CPQ: variants seen among roughly 807,000 people sequenced by gnomAD.
CPQ encodes carboxypeptidase Q, also known as Ser-Met dipeptidase.
In CPQ, 37 loss-of-function variants were observed where a neutral mutation model predicts 45.7. That is an observed-to-expected ratio of 0.81 (90% CI 0.62 to 1.07). The LOEUF (loss-of-function observed/expected upper bound fraction) is 1.07, where lower values mean the gene tolerates loss of function less well. CPQ is among the 50% of genes least tolerant of loss of function. The pLI, the probability that CPQ is intolerant of heterozygous loss-of-function variation, is 0.00. For missense variants in CPQ, 537 were observed against 572.9 expected (o/e 0.94, Z 0.64); for synonymous variants, 186 against 205.8 (o/e 0.90, Z 0.82).
intron 5 of CPQ, among the ~76,000 whole-genome samples, chr8:96,981,029 A>G (rs556384870): frequency 6.6e-6 from 1 of 152,334 alleles, no homozygotes; most frequent in Non-Finnish European, 1.5e-5. Flanking sequence ...AACAGTAAAT[A>G]GCTGTTAAGG....
At chr8:96,677,773 A>G (rs1267446902) in intron 1 of CPQ, among the ~76,000 whole-genome samples, 1 of 151,982 alleles carries the variant, frequency 6.6e-6, no homozygotes, top group African/African-American at 2.4e-5. Context: ...AAGTTTTCCA[A>G]TGTTATCTTC....
intron 5 of CPQ, among the ~76,000 whole-genome samples, chr8:96,973,013 C>A (rs78626826): frequency 0.072 from 10,967 of 152,004 alleles, 724 homozygotes; most frequent in African/African-American, 0.18. Flanking sequence ...AGTTCACCAG[C>A]AATGGATCCA....
At chr8:96,898,652 G>A (rs1446816694) in intron 4 of CPQ, among the ~76,000 whole-genome samples, 1 of 149,124 alleles carries the variant, frequency 6.7e-6, no homozygotes, top group Non-Finnish European at 1.5e-5. Context: ...GGGAGGGATA[G>A]CATTGGGAGA....
intron 4 of CPQ, among the ~76,000 whole-genome samples, chr8:96,963,918 A>G (rs995770284): frequency 2.0e-5 from 3 of 151,850 alleles, no homozygotes; most frequent in African/African-American, 4.8e-5. Context: ...ATCATGTGTT[A>G]TTTTGTATCT....
chr8:96,651,465 T>G (rs1333523735), intron 1 of CPQ, among the ~76,000 whole-genome samples: 5 of 152,224 alleles, frequency 3.3e-5, no homozygotes, highest in Admixed American at 3.3e-4. Flanking sequence ...AAGAGGTAGT[T>G]GTGACTCTTT....
chr8:96,783,401 C>CT (rs1200447715), intron 1 of CPQ, among the ~76,000 whole-genome samples: 1 of 152,054 alleles, frequency 6.6e-6, no homozygotes, highest in Non-Finnish European at 1.5e-5. Flanking sequence ...TGAGGGTCTT[C>CT]TTGCCACATC....
chr8:96,951,524 A>G (rs1813265135), intron 4 of CPQ, among the ~76,000 whole-genome samples: 1 of 152,106 alleles, frequency 6.6e-6, no homozygotes, highest in African/African-American at 2.4e-5. Flanking sequence ...TTGTAACTCC[A>G]GAGTTTTTTA....
chr8:96,944,458 G>C (rs1813163241), intron 4 of CPQ, among the ~76,000 whole-genome samples: 3 of 152,266 alleles, frequency 2.0e-5, no homozygotes, highest in African/African-American at 7.2e-5. Context: ...GTAAGGAACA[G>C]AGTCCTATGC....
At chr8:96,967,019 A>G (rs1813577959) in intron 5 of CPQ, among the ~76,000 whole-genome samples, 1 of 152,224 alleles carries the variant, frequency 6.6e-6, no homozygotes, top group African/African-American at 2.4e-5. Flanking sequence ...GAGAGAAGTT[A>G]TCCAGCAAAT....
intron 1 of CPQ, among the ~76,000 whole-genome samples, chr8:96,740,781 A>G (rs1301397084): frequency 1.3e-5 from 2 of 152,186 alleles, no homozygotes; most frequent in Non-Finnish European, 2.9e-5. Context: ...ATTTATGTAT[A>G]TTGAACCAGT....
intron 5 of CPQ, among the ~76,000 whole-genome samples, chr8:96,969,401 GTAGGAGAGACATTTAATTCAAAAA>G (rs1813623921): frequency 6.6e-6 from 1 of 152,208 alleles, no homozygotes; most frequent in Admixed American, 6.5e-5. Flanking sequence ...AGTCCTTGAA[GTAGGAGAGACATTTAATTCAAAAA>G]TTGCAATGAA....
At chr8:96,784,542 A>G (rs1177737231) in intron 1 of CPQ, among the ~76,000 whole-genome samples, 1 of 152,184 alleles carries the variant, frequency 6.6e-6, no homozygotes, top group East Asian at 1.9e-4. Context: ...TTAGGAGACT[A>G]TACAGCAGGT....
At chr8:96,953,380 ATTC>A (rs1201341950) in intron 4 of CPQ, among the ~76,000 whole-genome samples, 1 of 151,980 alleles carries the variant, frequency 6.6e-6, no homozygotes, top group Non-Finnish European at 1.5e-5. Context: ...GCTCAGGTTT[ATTC>A]TTTACTGAGC....
chr8:96,697,707 A>G (rs1809404418), intron 1 of CPQ, among the ~76,000 whole-genome samples: 1 of 152,202 alleles, frequency 6.6e-6, no homozygotes, highest in Non-Finnish European at 1.5e-5. Context: ...GTATTTCTAT[A>G]TGCCAACAAC....
intron 7 of CPQ, among the ~76,000 whole-genome samples, chr8:97,142,207 C>A (rs1812180031): frequency 6.6e-6 from 1 of 152,170 alleles, no homozygotes; most frequent in Non-Finnish European, 1.5e-5. Context: ...ATAAAACAGT[C>A]AACCAACCAA....
chr8:97,065,938 T>C (rs1810627558), intron 6 of CPQ, 71 bp from the exon 7 acceptor site: 3 of 1,451,178 alleles, frequency 2.1e-6, no homozygotes, highest in Admixed American at 1.8e-5. Flanking sequence ...TGGTAATTGT[T>C]GTTTGATAGT....
intron 7 of CPQ, among the ~76,000 whole-genome samples, chr8:97,095,244 C>G (rs752244505): frequency 9.2e-5 from 14 of 152,084 alleles, no homozygotes; most frequent in Non-Finnish European, 1.8e-4. Context: ...TATTTAAATT[C>G]AACATGTCTG....
chr8:96,745,562 G>A (rs1810168747), intron 1 of CPQ, among the ~76,000 whole-genome samples: 1 of 152,080 alleles, frequency 6.6e-6, no homozygotes, highest in South Asian at 2.1e-4. Context: ...AACCACTGAG[G>A]GAAGGGCTCA....
At chr8:96,709,242 C>A in intron 1 of CPQ, among the ~76,000 whole-genome samples, 1 of 152,002 alleles carries the variant, frequency 6.6e-6, no homozygotes, top group Non-Finnish European at 1.5e-5. Flanking sequence ...ATCCCTCACC[C>A]CTCTCCCACC....
Sources: gnomAD v4.1 joint callset for allele counts (sites outside exome capture counted in the v4.1 genomes callset) on GRCh38, gnomAD v4.1.1 for gene constraint, MANE v1.5 for transcripts, NCBI Gene and HGNC (gene_info 2026-07-23, HGNC 2026-07-21) for gene names.